TAF1: variants seen among roughly 807,000 people sequenced by gnomAD.
TAF1 encodes the protein TATA-box binding protein associated factor 1, also known as transcription initiation factor TFIID subunit 1.
TAF1 carries 2 observed loss-of-function variants against 138.5 expected under a neutral mutation model. The ratio of observed to expected loss-of-function variants is 0.01; its 90% confidence interval spans 0.01 to 0.05. The LOEUF (loss-of-function observed/expected upper bound fraction) is 0.05. TAF1 is among the 10% of genes least tolerant of loss of function. TAF1 has a pLI of 1.00. For missense variants in TAF1, 709 were observed against 1,478.0 expected (o/e 0.48, Z 8.53); for synonymous variants, 437 against 503.2 (o/e 0.87, Z 1.76).
chrX:71,457,143 C>T (rs2038343506), intron 34 of TAF1, among the ~76,000 whole-genome samples: 1 of 112,120 alleles, frequency 8.9e-6, no homozygotes, highest in South Asian at 3.7e-4. Context: ...TTTACCTGCT[C>T]TGTAATGCTT....
intron 28 of TAF1, among the ~76,000 whole-genome samples, chrX:71,419,543 CAAAAG>C (rs1380874785): frequency 9.1e-6 from 1 of 109,847 alleles, no homozygotes; most frequent in Non-Finnish European, 1.9e-5. Flanking sequence ...AAAAGAAACA[CAAAAG>C]GAAACAAAAT....
chrX:71,372,928 G>A (rs865839486), intron 3 of TAF1, among the ~76,000 whole-genome samples: 4 of 111,102 alleles, frequency 3.6e-5, no homozygotes, highest in African/African-American at 1.3e-4. Flanking sequence ...GTGCAGTGGC[G>A]CGATCTCAGC....
At chrX:71,403,554 TC>T (rs1416234154) in intron 25 of TAF1, among the ~76,000 whole-genome samples, 5 of 111,847 alleles carry the variant, frequency 4.5e-5, no homozygotes, top group African/African-American at 1.6e-4. Flanking sequence ...AAAGTGGTGA[TC>T]CTCAGATCCT....
intron 13 of TAF1, among the ~76,000 whole-genome samples, chrX:71,496,624 G>A (rs751325009): frequency 2.0e-5 from 2 of 99,404 alleles, no homozygotes; most frequent in African/African-American, 7.5e-5. Flanking sequence ...CTTCTTTGTC[G>A]GTCTCTTCCT....
intron 1 of TAF1, 95 bp downstream of exon 1, chrX:71,366,589 A>G (rs951642994): frequency 2.2e-6 from 2 of 911,730 alleles, no homozygotes; most frequent in Non-Finnish European, 3.0e-6. Context: ...AGGCAGCGAG[A>G]ACAGGGCGCA....
intron 12 of TAF1, among the ~76,000 whole-genome samples, 159 bp from the exon 13 acceptor site, chrX:71,383,803 G>T (rs759683345): frequency 8.9e-6 from 1 of 112,260 alleles, no homozygotes; most frequent in South Asian, 3.6e-4. Flanking sequence ...AGGGCCGACT[G>T]TACTATTCTT....
At chrX:71,396,283 C>T (rs1404770101) in intron 22 of TAF1, among the ~76,000 whole-genome samples, 4 of 105,175 alleles carry the variant, frequency 3.8e-5, no homozygotes, top group Non-Finnish European at 7.7e-5. Context: ...CCCCGAGTTG[C>T]GTGCTTGGGT....
chrX:71,385,474 C>CT (rs1208018951), intron 14 of TAF1, among the ~76,000 whole-genome samples: 5 of 109,849 alleles, frequency 4.6e-5, no homozygotes, highest in East Asian at 5.7e-4. Flanking sequence ...TAGTGAAATG[C>CT]TTTTTTTTTC....
chrX:71,490,876 T>C (rs1475322869), intron 13 of TAF1, among the ~76,000 whole-genome samples: 2 of 108,592 alleles, frequency 1.8e-5, no homozygotes, highest in African/African-American at 6.7e-5. Context: ...TACAGGCATG[T>C]GCCACCATTT....
At chrX:71,474,683 CAAGT>C (rs895924302) in intron 13 of TAF1, among the ~76,000 whole-genome samples, 1 of 111,866 alleles carries the variant, frequency 8.9e-6, no homozygotes, top group Non-Finnish European at 1.9e-5. Context: ...AGACAATAAA[CAAGT>C]AAACACAAAC....
At chrX:71,500,272 C>T (rs2039474120) in intron 13 of TAF1, among the ~76,000 whole-genome samples, 1 of 111,386 alleles carries the variant, frequency 9.0e-6, no homozygotes, top group Non-Finnish European at 1.9e-5. Flanking sequence ...TTTGCCTTCC[C>T]TCTTACAGAA....
At chrX:71,471,940 A>G (rs1279461122) in intron 13 of TAF1, among the ~76,000 whole-genome samples, 1 of 112,226 alleles carries the variant, frequency 8.9e-6, no homozygotes, top group Non-Finnish European at 1.9e-5. Flanking sequence ...GGTACTTTCA[A>G]TTTCCCAACT....
At chrX:71,429,593 C>A in intron 32 of TAF1, among the ~76,000 whole-genome samples, 1 of 110,299 alleles carries the variant, frequency 9.1e-6, no homozygotes, top group Admixed American at 9.7e-5. Context: ...AACACCAAAC[C>A]TTTAGAAGGA....
At chrX:71,431,003 ATTTTTTT>A (rs41481947) in intron 32 of TAF1, among the ~76,000 whole-genome samples, 18 of 68,599 alleles carry the variant, frequency 2.6e-4, no homozygotes, top group Non-Finnish European at 3.9e-4. Context: ...GCTCAGAAGA[ATTTTTTT>A]TTTTTTTTTT....
At chrX:71,416,675 A>G in intron 28 of TAF1, 1 of 318,068 alleles carries the variant, frequency 3.1e-6, no homozygotes, top group Non-Finnish European at 6.0e-6. Context: ...AGTCATCACC[A>G]CCTTCCTCGA....
intron 29 of TAF1, among the ~76,000 whole-genome samples, chrX:71,422,613 C>T (rs904158446): frequency 9.0e-6 from 1 of 110,603 alleles, no homozygotes; most frequent in Non-Finnish European, 1.9e-5. Context: ...GTGTGAGCCA[C>T]TGTGCCCAGC....
chrX:71,368,871 C>G (rs1268130929), intron 3 of TAF1: 1 of 82,347 alleles, frequency 1.2e-5, no homozygotes, highest in East Asian at 4.2e-4. Flanking sequence ...TTTTCCGAGA[C>G]GGAGTGTCTC....
chrX:71,465,118 GAT>G lies in TAF1; in HGVS notation c.*1075_*1076del, dbSNP rs1426424603. On this transcript the variant is annotated 3_prime_UTR_variant, in exon 38 of 38. Coordinates refer to ENST00000423759, the MANE Select transcript of TAF1 (RefSeq NM_004606.5). ...TCCTAGAATCATAAAATCCTCAACAGATATGTTACTGAGCATCTGCTTTTCAT... is the reference window on the plus strand; with the variant it reads ...TCCTAGAATCATAAAATCCTCAACAGATGTTACTGAGCATCTGCTTTTCAT... 9.0e-6 allele frequency: 1 copy of G among 111,389 alleles called. No homozygotes were observed. The highest frequency in any genetic ancestry group is 3.3e-5 in the African/African-American group (1 of 30,638). The allele number at this position is 111,389 out of a possible 1,213,427, so 9.2% of individuals were successfully genotyped here. A position where few individuals can be genotyped will look rare whatever the true frequency, so the allele number is the denominator to read the frequency against.
At chrX:71,378,593 G>T in intron 7 of TAF1, 140 bp downstream of exon 7, 1 of 776,753 alleles carries the variant, frequency 1.3e-6, no homozygotes, top group Non-Finnish European at 1.8e-6. Context: ...CTTTTATTTG[G>T]TATGGTGTAT....
Sources: allele counts gnomAD v4.1 joint callset (sites outside exome capture counted in the v4.1 genomes callset), GRCh38; gene constraint gnomAD v4.1.1; transcripts MANE v1.5; gene names NCBI Gene and HGNC (gene_info 2026-07-23, HGNC 2026-07-21).